The following CDK5RAP2 variants were observed in gnomAD, a reference collection of about 807,000 sequenced individuals.
The protein encoded by CDK5RAP2 is CDK5 regulatory subunit-associated protein 2.
Under a neutral mutation model 232.9 loss-of-function variants are expected in CDK5RAP2, and 147 were observed. The ratio of observed to expected loss-of-function variants is 0.63; its 90% CI spans 0.55 to 0.72. The LOEUF is 0.72. Ranked by LOEUF, CDK5RAP2 falls within the 30% of genes least tolerant of loss-of-function variation. The pLI, the probability that CDK5RAP2 is intolerant of heterozygous loss-of-function variation, is 0.00. For synonymous variants in CDK5RAP2, 833 were observed against 833.7 expected (o/e 1.00, Z 0.01); for missense variants, 2,195 against 2,231.5 (o/e 0.98, Z 0.33).
intron 4 of CDK5RAP2, 82 bp from the exon 5 acceptor site, chr9:120,545,872 GCA>G: frequency 1.9e-6 from 2 of 1,070,162 alleles, no homozygotes; most frequent in Non-Finnish European, 2.9e-6. Flanking sequence ...ACTGCTTCCA[GCA>G]CAGACTGACT....
At chr9:120,414,978 C>T in intron 28 of CDK5RAP2, 62 bp downstream of exon 28, 1 of 1,593,188 alleles carries the variant, frequency 6.3e-7, no homozygotes. Context: ...CTTACTCAGG[C>T]AAATGCGTCA....
At chr9:120,448,168 A>T (rs754294963) in intron 21 of CDK5RAP2, 42 bp from the exon 22 acceptor site, 1 of 1,479,540 alleles carries the variant, frequency 6.8e-7, no homozygotes, top group East Asian at 2.3e-5. Flanking sequence ...CTTTGAACAC[A>T]CTTCCTTTGG....
chr9:120,578,299 T>C (rs7856634), intron 1 of CDK5RAP2, among the ~76,000 whole-genome samples: 149,205 of 152,334 alleles, frequency 0.98, 73,132 homozygotes, highest in East Asian at 1. Flanking sequence ...AGTTTTCAAA[T>C]TGTAGTATAA....
intron 15 of CDK5RAP2, among the ~76,000 whole-genome samples, 181 bp from the exon 16 acceptor site, chr9:120,472,059 T>C (rs1191695356): frequency 2.6e-5 from 4 of 152,250 alleles, no homozygotes; most frequent in Non-Finnish European, 5.9e-5. Context: ...AAAATTATCA[T>C]GCTCCTACTA....
At chr9:120,463,755 T>G (rs1046333757) in intron 18 of CDK5RAP2, among the ~76,000 whole-genome samples, 3 of 152,248 alleles carry the variant, frequency 2.0e-5, no homozygotes, top group African/African-American at 7.2e-5. Flanking sequence ...AAATTAACTT[T>G]CATTTCTCTT....
Position 120,453,617 on chromosome 9 carries a change from T to G in CDK5RAP2, c.2632A>C (p.Thr878Pro). The G allele has an allele frequency of 9.3e-6, 15 of 1,614,216 alleles. No individual in the cohort carries two copies. Among genetic ancestry groups the G allele is most frequent in the Non-Finnish European group, 1.2e-5 (14 of 1,180,038 alleles). ...TTGAATCTCAGCAGGTCGCCCTCCG[T>G]GGCCACAGTCTGCACTGAGGCATCT... ...LKDASVQTVA[T>P]EGDLLRFKHE... Residue 878 changes from threonine to proline, a missense_variant, in exon 21 of 38, where the codon ACG becomes CCG. Physicochemically the swap from Thr to Pro is conservative, Grantham distance 38. Coordinates refer to ENST00000349780, the MANE Select transcript of CDK5RAP2 (RefSeq NM_018249.6).
At chr9:120,524,940 G>A in intron 11 of CDK5RAP2, 46 bp downstream of exon 11, 1 of 1,339,872 alleles carries the variant, frequency 7.5e-7, no homozygotes, top group Non-Finnish European at 1.1e-6. Flanking sequence ...ACCTCACCAG[G>A]GGTCAGGATC....
chr9:120,475,553 A>C (rs2037959676), intron 15 of CDK5RAP2, among the ~76,000 whole-genome samples: 1 of 152,052 alleles, frequency 6.6e-6, no homozygotes, highest in African/African-American at 2.4e-5. Flanking sequence ...GTGAGTTTCC[A>C]CACGACTCAA....
intron 7 of CDK5RAP2, among the ~76,000 whole-genome samples, chr9:120,534,258 A>G (rs1489871708): frequency 6.6e-6 from 1 of 152,066 alleles, no homozygotes; most frequent in Non-Finnish European, 1.5e-5. Flanking sequence ...ACCCTCCTGT[A>G]CCTGCATCCT....
chr9:120,424,776 T>C (rs538721222), intron 25 of CDK5RAP2, among the ~76,000 whole-genome samples: 2 of 151,646 alleles, frequency 1.3e-5, no homozygotes, highest in Admixed American at 1.3e-4. Flanking sequence ...CTCGACTTAC[T>C]GCAACCTCTG....
At chr9:120,496,411 C>T (rs1343960025) in intron 12 of CDK5RAP2, among the ~76,000 whole-genome samples, 71 of 140,052 alleles carry the variant, frequency 5.1e-4, no homozygotes, top group Non-Finnish European at 8.1e-4. Flanking sequence ...GCCCAGCCAG[C>T]CGCCCTGTCC....
Position 120,439,391 on chromosome 9 carries a change from G to T in CDK5RAP2, c.3722+8C>A. On this transcript the variant is annotated splice_region_variant and intron_variant, in intron 24 of 37. Transcript: ENST00000349780. ...CTTAAACGGGGAGACGGCAGAGGTG[G>T]AACGTACCTGGGAGGTGAGAGATCT... 6.2e-7 allele frequency: 1 copy of T among 1,611,302 alleles called. No homozygotes were observed.
intron 15 of CDK5RAP2, 53 bp downstream of exon 15, chr9:120,477,297 G>T: frequency 1.6e-6 from 2 of 1,227,806 alleles, no homozygotes; most frequent in South Asian, 1.2e-5. Flanking sequence ...GTATGCGCGT[G>T]CATGTGTGTG....
rs1427609010 is a variant in CDK5RAP2 at position 120,488,039 on chromosome 9, T to G, written c.1483-602A>C. On this transcript the variant is annotated intron_variant, in intron 13 of 37. Coordinates refer to ENST00000349780, the MANE Select transcript of CDK5RAP2 (RefSeq NM_018249.6). ...TGATATGATTCCACTGGCTGAACCC[T>G]TCAGAAGATCGAACATTCAACAACA... 2.0e-5 allele frequency among the ~76,000 whole-genome samples: 3 copies of G among 152,180 alleles called. No homozygotes were observed. The East Asian group carries it at 5.8e-4, about 29-fold the overall frequency.
rs954044543 is a variant in CDK5RAP2 at position 120,430,002 on chromosome 9, C to A, written c.3956-7261G>T. On this transcript the variant is annotated intron_variant, in intron 25 of 37. Coordinates refer to ENST00000349780, the MANE Select transcript of CDK5RAP2 (RefSeq NM_018249.6). ...CTTTGACAAACCTGAGAAAAACAAG[C>A]AATGGGGAAAGGATTCCCTATTTAA... 2.6e-5 allele frequency among the ~76,000 whole-genome samples: 4 copies of A among 152,136 alleles called. No individual in the cohort carries two copies. In the East Asian group the frequency reaches 7.7e-4, roughly 29 times the overall value.
At chr9:120,569,170 G>A (rs1406650765) in intron 2 of CDK5RAP2, among the ~76,000 whole-genome samples, 3 of 152,124 alleles carry the variant, frequency 2.0e-5, no homozygotes, top group Non-Finnish European at 4.4e-5. Context: ...TAAAGCCCGT[G>A]GCACTTTGTA....
At position 120,496,961 on chromosome 9, in the gene CDK5RAP2, A is replaced by C. The variant is rs2039311177; in HGVS notation, c.1312-5484T>G. On this transcript the variant is annotated intron_variant, in intron 12 of 37. Transcript: ENST00000349780. ...CAGGATGACAATGGCGGCTTTGTGG[A>C]ATGGAAAGGCGGGAAAGGTGGGGAA... 1.4e-5 allele frequency among the ~76,000 whole-genome samples: 2 copies of C among 139,988 alleles called. 1 individual carries two copies. Among genetic ancestry groups the C allele is most frequent in the Non-Finnish European group, 3.0e-5 (2 of 66,820 alleles). 91.8% of individuals were successfully genotyped at this position (139,988 alleles called of 152,430 possible). A position where few individuals can be genotyped will look rare whatever the true frequency, so the allele number is the denominator to read the frequency against.
chr9:120,529,458 C>T (rs568191943), intron 8 of CDK5RAP2, among the ~76,000 whole-genome samples: 1 of 152,296 alleles, frequency 6.6e-6, no homozygotes, highest in East Asian at 1.9e-4. Context: ...AGCCTGAGCC[C>T]GTTTCTAAAC....
chr9:120,462,240 G>C (rs2037131762), intron 18 of CDK5RAP2, among the ~76,000 whole-genome samples: 1 of 152,142 alleles, frequency 6.6e-6, no homozygotes, highest in Non-Finnish European at 1.5e-5. Context: ...AAGCATAAAA[G>C]TCTATAAATA....
Sources: allele counts gnomAD v4.1 joint callset (sites outside exome capture counted in the v4.1 genomes callset), GRCh38; gene constraint gnomAD v4.1.1; transcripts MANE v1.5; gene names NCBI Gene and HGNC (gene_info 2026-07-23, HGNC 2026-07-21).